Variants in GRIP2 observed in about 807,000 individuals in gnomAD.
GRIP2 encodes the protein glutamate receptor interacting protein 2.
In GRIP2, 58 loss-of-function variants were observed where a neutral mutation model predicts 108.3. The ratio of observed to expected loss-of-function variants is 0.54; its 90% CI spans 0.43 to 0.67. The LOEUF (loss-of-function observed/expected upper bound fraction) is 0.67. GRIP2 is among the 30% of genes least tolerant of loss of function. The pLI is 0.00. For synonymous variants in GRIP2, 586 were observed against 598.2 expected (o/e 0.98, Z 0.30); for missense variants, 1,278 against 1,430.6 (o/e 0.89, Z 1.72).
Position 14,511,585 on chromosome 3 carries a change from C to A in GRIP2, c.1721-106G>T. ...GACTCGGAGCCACTGGTCCTACTCA[C>A]ATCCTGGTCCCACTGCTTCCTGGCT... On this transcript the variant is annotated intron_variant, in intron 14 of 23. Transcript: ENST00000621039. This position sits in a 1 kb window ranked among gnomAD's most constrained non-coding sequence, Gnocchi z 4.1. 1 of 1,041,976 alleles carries A rather than the reference C, an allele frequency of 9.6e-7. No individual in the cohort carries two copies. 64.5% of individuals were successfully genotyped at this position (1,041,976 alleles called of 1,614,324 possible). A position where few individuals can be genotyped will look rare whatever the true frequency, so the allele number is the denominator to read the frequency against.
Position 14,514,358 on chromosome 3 carries a change from A to C in GRIP2, c.1427T>G (p.Phe476Cys). ...TGGGGAGGACAGGGTCTCGGTGGCG[A>C]AGATGCCGCCCTGGAGCTGGAGGCC... The part of the protein sequence containing the change: ...GFGLQLQGGI[F>C]ATETLSSPPL... The change falls in exon 12 of 24, where the codon TTC (phenylalanine) becomes TGC (cysteine). Residue 476 changes from phenylalanine (F) to cysteine (C), a missense_variant. Transcript: ENST00000621039. 6.4e-7 allele frequency: 1 copy of C among 1,568,924 alleles called. No individual in the cohort carries two copies. Among genetic ancestry groups the C allele is most frequent in the Non-Finnish European group, 8.6e-7 (1 of 1,159,310 alleles).
chr3:14,587,326 G>A, the GRIP2 span, among the ~76,000 whole-genome samples: 11 of 152,264 alleles, frequency 7.2e-5, no homozygotes, highest in African/African-American at 2.6e-4. Flanking sequence ...CATGAAACTG[G>A]CCAACAGGAG....
At chr3:14,515,698 C>T (rs1472736176) in intron 11 of GRIP2, among the ~76,000 whole-genome samples, 1 of 151,368 alleles carries the variant, frequency 6.6e-6, no homozygotes, top group Non-Finnish European at 1.5e-5. Flanking sequence ...TGCAGAAGCG[C>T]CACCTCGGCT....
chr3:14,586,369 C>T, the GRIP2 span, among the ~76,000 whole-genome samples: 2 of 152,234 alleles, frequency 1.3e-5, no homozygotes, highest in Non-Finnish European at 2.9e-5. Context: ...TAGTGACTGG[C>T]ATGTGCGAGT....
At chr3:14,527,633 T>C (rs1038242820) in intron 1 of GRIP2, among the ~76,000 whole-genome samples, 4 of 152,202 alleles carry the variant, frequency 2.6e-5, no homozygotes, top group Non-Finnish European at 5.9e-5. Flanking sequence ...CTCACACCTG[T>C]AATCCCAGCA....
In GRIP2 at chr3:14,492,205, G is replaced by A. The variant is rs935327439; in HGVS notation, c.*1460C>T. ...CACAGCAAACAGGTAACAGACCCAG[G>A]GTGAAAAGAACAGACCTCTTGACTC... On this transcript the variant is annotated 3_prime_UTR_variant, in exon 24 of 24. Transcript: ENST00000621039. The A allele has an allele frequency of 6.6e-6, 1 of 152,340 alleles. No homozygotes were observed. Among genetic ancestry groups the A allele is most frequent in the Admixed American group, 6.5e-5 (1 of 15,280 alleles). The allele number at this position is 152,340 out of a possible 1,614,324, so 9.4% of individuals were successfully genotyped here.
At position 14,512,741 on chromosome 3, in the gene GRIP2, G is replaced by T; in HGVS notation, c.1720+36C>A. Reference sequence around the variant, plus strand: ...CTCTTTTTCCCCAGCAGTTGAGCTCGCTCCCAGGGGCAAACAGCAGCGGGA... The same window carrying T: ...CTCTTTTTCCCCAGCAGTTGAGCTCTCTCCCAGGGGCAAACAGCAGCGGGA... On this transcript the variant is annotated intron_variant, in intron 14 of 23. Coordinates refer to ENST00000621039, the MANE Select transcript of GRIP2 (RefSeq NM_001080423.4). The surrounding 1 kb of genome is among the most constrained non-coding windows in gnomAD (Gnocchi z 5.1). The T allele has an allele frequency of 1.3e-6, 2 of 1,589,778 alleles. No individual in the cohort carries two copies. Among genetic ancestry groups the T allele is most frequent in the Non-Finnish European group, 1.7e-6 (2 of 1,159,476 alleles).
the GRIP2 span, among the ~76,000 whole-genome samples, chr3:14,580,892 T>C: frequency 1.3e-5 from 2 of 152,180 alleles, no homozygotes; most frequent in Non-Finnish European, 2.9e-5. Context: ...CAATCAGTAG[T>C]GAAATTAAGA....
chr3:14,511,319 G>A lies in GRIP2; in HGVS notation c.1788-9C>T. ...GCTCCAGGGTGCCCGTCCTGCATGA[G>A]TCGGGGGCAGAGGGGATGGAAGGAG... On this transcript the variant is annotated splice_polypyrimidine_tract_variant and intron_variant, in intron 15 of 23. Transcript: ENST00000621039. The surrounding 1 kb of genome is among the most constrained non-coding windows in gnomAD (Gnocchi z 4.1). 5.0e-6 allele frequency: 8 copies of A among 1,614,024 alleles called. No homozygotes were observed. Among genetic ancestry groups the A allele is most frequent in the Non-Finnish European group, 6.8e-6 (8 of 1,179,884 alleles).
chr3:14,543,756 A>C (rs1005765636), upstream of GRIP2, among the ~76,000 whole-genome samples: 16 of 152,230 alleles, frequency 1.1e-4, no homozygotes, highest in African/African-American at 3.1e-4. Context: ...TGAGCAGCCC[A>C]GGGGAGATGG....
At chr3:14,525,788 C>A in intron 2 of GRIP2, 63 bp downstream of exon 2, 1 of 1,490,070 alleles carries the variant, frequency 6.7e-7, no homozygotes, top group Non-Finnish European at 9.2e-7. Context: ...GCCATCTGAC[C>A]CCCACCTAGG....
the GRIP2 span, among the ~76,000 whole-genome samples, chr3:14,568,690 C>G: frequency 6.6e-6 from 1 of 152,204 alleles, no homozygotes; most frequent in Non-Finnish European, 1.5e-5. Flanking sequence ...CAGAAGTATA[C>G]CTGTGTGGCA....
chr3:14,524,977 G>A (rs1355154592), intron 3 of GRIP2, among the ~76,000 whole-genome samples: 1 of 152,192 alleles, frequency 6.6e-6, no homozygotes, highest in African/African-American at 2.4e-5. Flanking sequence ...GAGCCACAGG[G>A]GCAAATGAAA....
At chr3:14,556,165 C>A (rs1695234672), upstream of GRIP2, 2 of 394,158 alleles carry the variant, frequency 5.1e-6, no homozygotes, top group South Asian at 2.9e-4. Context: ...TCCTCCAAAG[C>A]AGCCGGGCCT....
At chr3:14,555,271 C>T (rs962360931) in intron 1 of GRIP2, among the ~76,000 whole-genome samples, 8 of 152,244 alleles carry the variant, frequency 5.3e-5, no homozygotes, top group African/African-American at 1.9e-4. Flanking sequence ...CCCTCCCACC[C>T]CTCCTCCCCC....
Position 14,507,448 on chromosome 3 carries a change from C to T in GRIP2, c.2218+113G>A. On this transcript the variant is annotated intron_variant, in intron 18 of 23. Transcript: ENST00000621039. The surrounding 1 kb of genome is among the most constrained non-coding windows in gnomAD (Gnocchi z 4.6). ...ATCTTCTTTGCCATCGCAGGCCCGC[C>T]TCCACAGGGCTGCAGTGAGGACTCT... is the stretch of plus-strand genomic sequence containing the variant. The T allele has an allele frequency of 7.5e-7, 1 of 1,334,552 alleles. No individual in the cohort carries two copies. Among genetic ancestry groups the T allele is most frequent in the Non-Finnish European group, 1.0e-6 (1 of 957,194 alleles). The allele number at this position is 1,334,552 out of a possible 1,614,324, so 82.7% of individuals were successfully genotyped here.
Position 14,520,451 on chromosome 3 carries a change from AGGT to A in GRIP2, c.796_798del (p.Thr266del). 6.2e-7 allele frequency: 1 copy of A among 1,613,742 alleles called. No homozygotes were observed. The highest frequency in any genetic ancestry group is 8.5e-7 in the Non-Finnish European group (1 of 1,179,816). On this transcript the variant is annotated inframe_deletion, in exon 8 of 24. Transcript: ENST00000621039. ...GTAATGACTGACTTGTTCCGGAGGG[AGGT>A]GGTGGTGAGCGAGATCCCCAGGGCA...
chr3:14,568,128 T>C, the GRIP2 span, among the ~76,000 whole-genome samples: 3 of 152,160 alleles, frequency 2.0e-5, no homozygotes, highest in African/African-American at 7.2e-5. Context: ...GTGAGGACTT[T>C]GGTCTTCCTC....
At chr3:14,602,230 C>A in the GRIP2 span, 1 of 152,104 alleles carries the variant, frequency 6.6e-6, no homozygotes, top group Admixed American at 6.5e-5. This position sits in a 1 kb window ranked among gnomAD's most constrained non-coding sequence, Gnocchi z 4.7. Context: ...CTCCTTCCTC[C>A]TCCCGCCCCC....
Sources: allele counts gnomAD v4.1 joint callset (sites outside exome capture counted in the v4.1 genomes callset), GRCh38; gene constraint gnomAD v4.1.1; non-coding constraint Gnocchi (gnomAD v3.1); transcripts MANE v1.5; gene names NCBI Gene and HGNC (gene_info 2026-07-23, HGNC 2026-07-21).